Variants in MYOF observed in about 807,000 individuals in gnomAD.
The protein encoded by MYOF is myoferlin, also known as fer-1-like 3, myoferlin.
A neutral mutation model predicts 284.2 loss-of-function variants in MYOF; 244 were observed. The observed-to-expected ratio is 0.86, with a 90% confidence interval of 0.77 to 0.95. The LOEUF (loss-of-function observed/expected upper bound fraction) is 0.95, where lower values mean the gene tolerates loss of function less well. MYOF is among the 40% of genes least tolerant of loss of function. The pLI is 0.00. For missense variants in MYOF, 2,496 were observed against 2,560.6 expected, an observed-to-expected ratio of 0.97 and a Z score of 0.54; for synonymous variants, 904 against 919.7, an observed-to-expected ratio of 0.98 and a Z score of 0.31.
rs370747406 is a variant in MYOF at position 93,313,200 on chromosome 10, T to G, written c.5709A>C (p.Glu1903Asp). ...FSLDDYLGFL[E>D]LDLRHTIIPA... ...GAATGATCGTGTGACGCAAGTCAAG[T>G]TCTAGGAAACCTAGCCAAGGAAACA... The change falls in exon 51 of 54, where the codon GAA (glutamate) becomes GAC (aspartate). Residue 1903 changes from glutamate (E) to aspartate (D), a missense_variant. Transcript: ENST00000359263. 1 of 1,612,846 alleles carries G rather than the reference T, an allele frequency of 6.2e-7. No homozygotes were observed. The highest frequency in any genetic ancestry group is 8.5e-7 in the Non-Finnish European group (1 of 1,179,510).
In MYOF at chr10:93,474,743, A is replaced by G. The variant is rs1425841783; in HGVS notation, c.88+7364T>C. Among the ~76,000 whole-genome samples the G allele has an allele frequency of 2.3e-5, 3 of 128,130 alleles. No homozygotes were observed. In the East Asian group the frequency reaches 6.0e-4, roughly 26 times the overall value. The allele number at this position is 128,130 out of a possible 152,430, so 84.1% of individuals were successfully genotyped here. ...CAGGAGATATTATTAAGAACACTGA[A>G]GCTGATTTTTTTTTTTTTTTGAGAT... On this transcript the variant is annotated intron_variant, in intron 1 of 53. Coordinates refer to ENST00000359263, the MANE Select transcript of MYOF (RefSeq NM_013451.4).
At chr10:93,377,939 T>C (rs2133988183) in intron 21 of MYOF, among the ~76,000 whole-genome samples, 1 of 152,348 alleles carries the variant, frequency 6.6e-6, no homozygotes, top group Non-Finnish European at 1.5e-5. Context: ...TCATAGCTTT[T>C]AATATATTGA....
intron 3 of MYOF, among the ~76,000 whole-genome samples, chr10:93,444,043 G>T (rs936624182): frequency 5.9e-5 from 9 of 152,198 alleles, no homozygotes; most frequent in Admixed American, 4.6e-4. Flanking sequence ...TGTGAGAGAG[G>T]TTTGTTTCTC....
At chr10:93,389,974 A>G (rs892184701) in intron 17 of MYOF, among the ~76,000 whole-genome samples, 9 of 152,252 alleles carry the variant, frequency 5.9e-5, no homozygotes, top group African/African-American at 2.2e-4. Context: ...TTCACTCTGT[A>G]TAAGGCAGAA....
intron 21 of MYOF, among the ~76,000 whole-genome samples, chr10:93,378,110 C>A (rs899686391): frequency 6.6e-6 from 1 of 152,146 alleles, no homozygotes; most frequent in Non-Finnish European, 1.5e-5. Flanking sequence ...GGAGAAATAG[C>A]GATTTACGGA....
chr10:93,413,515 G>T (rs17108647), intron 5 of MYOF, among the ~76,000 whole-genome samples: 1 of 152,126 alleles, frequency 6.6e-6, no homozygotes, highest in African/African-American at 2.4e-5. Flanking sequence ...GGCCCTGTTC[G>T]TGAGACCCAG....
chr10:93,473,850 A>T (rs2057201982), intron 1 of MYOF, among the ~76,000 whole-genome samples: 1 of 152,066 alleles, frequency 6.6e-6, no homozygotes, highest in South Asian at 2.1e-4. Flanking sequence ...CCCCCATTTG[A>T]TCTTTGGGAA....
intron 23 of MYOF, among the ~76,000 whole-genome samples, chr10:93,373,507 G>T (rs1845687733): frequency 7.1e-6 from 1 of 141,146 alleles, no homozygotes; most frequent in Non-Finnish European, 1.5e-5. Flanking sequence ...TATTAATTTT[G>T]TTTTCAAAAA....
intron 1 of MYOF, among the ~76,000 whole-genome samples, chr10:93,480,029 A>G (rs1431482222): frequency 6.6e-6 from 1 of 152,220 alleles, no homozygotes; most frequent in East Asian, 1.9e-4. Flanking sequence ...CAATTCCTCT[A>G]TAATCTATAA....
chr10:93,329,507 C>T (rs551226841), intron 44 of MYOF, among the ~76,000 whole-genome samples, 157 bp downstream of exon 44: 501 of 151,770 alleles, frequency 3.3e-3, no homozygotes, highest in Non-Finnish European at 5.6e-3. Flanking sequence ...TGAGGTGGCC[C>T]GGAGATTCCC....
chr10:93,462,412 C>T (rs1589607532), intron 1 of MYOF, among the ~76,000 whole-genome samples: 1 of 152,212 alleles, frequency 6.6e-6, no homozygotes, highest in Middle Eastern at 3.4e-3. Flanking sequence ...ATCCTCCTGG[C>T]AAGCCTATGA....
At chr10:93,405,785 C>T (rs948455959) in intron 7 of MYOF, among the ~76,000 whole-genome samples, 2 of 145,536 alleles carry the variant, frequency 1.4e-5, no homozygotes, top group African/African-American at 5.1e-5. Flanking sequence ...AAGATATATA[C>T]AGGCTAGGAT....
intron 48 of MYOF, among the ~76,000 whole-genome samples, chr10:93,321,808 T>G (rs903666390): frequency 2.6e-5 from 4 of 152,246 alleles, no homozygotes; most frequent in Non-Finnish European, 5.9e-5. Flanking sequence ...TATGTATATG[T>G]ATAGCTTGGT....
At position 93,482,047 on chromosome 10, in the gene MYOF, G is replaced by T; in HGVS notation, c.88+60C>A. ...CTAAATGCAGACTTTTCAAGAAGGT[G>T]ACTCAAGAAACTAACATTCCAAAAC... is the stretch of plus-strand genomic sequence containing the variant. On this transcript the variant is annotated intron_variant, in intron 1 of 53. Coordinates refer to ENST00000359263, the MANE Select transcript of MYOF (RefSeq NM_013451.4). 2.0e-6 allele frequency: 3 copies of T among 1,471,720 alleles called. No homozygotes were observed. In the South Asian group the frequency reaches 3.4e-5, roughly 17 times the overall value. The allele number at this position is 1,471,720 out of a possible 1,614,324, so 91.2% of individuals were successfully genotyped here.
At chr10:93,481,207 T>A (rs2057377495) in intron 1 of MYOF, among the ~76,000 whole-genome samples, 1 of 152,136 alleles carries the variant, frequency 6.6e-6, no homozygotes, top group Non-Finnish European at 1.5e-5. Flanking sequence ...CTTTTAAAAT[T>A]ACCATGAGCC....
Position 93,349,813 on chromosome 10 carries a change from T to C in MYOF, c.4078A>G (p.Lys1360Glu). Reference sequence around the variant, plus strand: ...ACAGAGAATCGATACTGTACCACTTTCATGAAGAGAACAGAACTTGGAAAG... The same window carrying C: ...ACAGAGAATCGATACTGTACCACTTCCATGAAGAGAACAGAACTTGGAAAG... ...PNFPSSVLFM[K>E]VFLPKEELYM... The change falls in exon 36 of 54, where the codon AAA becomes GAA. Residue 1360 changes from lysine to glutamate, a missense_variant. Transcript: ENST00000359263. 1.2e-6 allele frequency: 2 copies of C among 1,614,102 alleles called. No homozygotes were observed. The highest frequency in any genetic ancestry group is 1.7e-6 in the Non-Finnish European group (2 of 1,179,988).
In MYOF at chr10:93,325,844, G is replaced by C; in HGVS notation, c.5253C>G (p.Phe1751Leu). 6.2e-7 allele frequency: 1 copy of C among 1,613,664 alleles called. No homozygotes were observed. Among genetic ancestry groups the C allele is most frequent in the Non-Finnish European group, 8.5e-7 (1 of 1,179,864 alleles). ...CCTTTACCTGGGAAATGTTGGGCTG[G>C]AAGGTGCTGTGCAAAGTCCTTGTTT... ...HVETRTLHST[F>L]QPNISQGKLQ... The change falls in exon 46 of 54, where the codon TTC (phenylalanine) becomes TTG (leucine). Residue 1751 changes from phenylalanine to leucine, a missense_variant. Phe to Leu is a conservative substitution (Grantham distance 22). This residue lies in a region of MYOF where 2,436 missense variants were observed against 2,480.7 expected (regional missense o/e 0.98). Coordinates refer to ENST00000359263, the MANE Select transcript of MYOF (RefSeq NM_013451.4).
Position 93,406,288 on chromosome 10 carries a change from T to TTTTATATATATATATATATA in MYOF, c.730-2070_730-2069insTATATATATATATATATAAA, listed in dbSNP as rs1271223936. On this transcript the variant is annotated intron_variant, in intron 7 of 53. Coordinates refer to ENST00000359263, the MANE Select transcript of MYOF (RefSeq NM_013451.4). ...TAGAAATTTTTTTAGTAAACCTCTT[T>TTTTATATATATATATATATA]TATATATATATATATATATATATAT... Among the ~76,000 whole-genome samples the TTTTATATATATATATATATA allele has an allele frequency of 4.8e-4, 28 of 58,142 alleles. 2 individuals carry two copies. Among genetic ancestry groups the TTTTATATATATATATATATA allele is most frequent in the African/African-American group, 6.6e-4 (17 of 25,922 alleles). The allele number at this position is 58,142 out of a possible 152,430, so 38.1% of individuals were successfully genotyped here.
At chr10:93,372,577 C>T (rs554046892) in intron 24 of MYOF, among the ~76,000 whole-genome samples, 2 of 152,304 alleles carry the variant, frequency 1.3e-5, no homozygotes, top group African/African-American at 2.4e-5. Context: ...TGAACCATCC[C>T]TACTGCTTTC....
Sources: gnomAD v4.1 joint callset for allele counts (sites outside exome capture counted in the v4.1 genomes callset) on GRCh38, gnomAD v4.1.1 for gene constraint, gnomAD v4.1.1 regional missense constraint, MANE v1.5 for transcripts, NCBI Gene and HGNC (gene_info 2026-07-23, HGNC 2026-07-21) for gene names.